GABRB1: variants seen among roughly 807,000 people sequenced by gnomAD.
The protein encoded by GABRB1 is gamma-aminobutyric acid type A receptor subunit beta1, also known as gamma-aminobutyric acid receptor subunit beta-1.
Under a neutral mutation model 51.6 loss-of-function variants are expected in GABRB1, and 17 were observed. The ratio of observed to expected loss-of-function variants is 0.33; its 90% CI spans 0.23 to 0.49. GABRB1 has a LOEUF of 0.49. Among genes scored for constraint, GABRB1 ranks in the 20% least tolerant of loss-of-function variants. The pLI is 0.99. For synonymous variants in GABRB1, 247 were observed against 218.9 expected (o/e 1.13, Z -1.14); for missense variants, 410 against 600.6 (o/e 0.68, Z 3.32).
intron 3 of GABRB1, chr4:47,033,118 T>A (rs554597281): frequency 2.2e-4 from 43 of 192,886 alleles, no homozygotes; most frequent in Admixed American, 1.1e-3. Context: ...TTACTGCATC[T>A]TGCAAATTTA....
intron 1 of GABRB1, among the ~76,000 whole-genome samples, chr4:47,026,355 C>T (rs972697116): frequency 4.6e-5 from 7 of 151,818 alleles, no homozygotes; most frequent in African/African-American, 7.3e-5. Flanking sequence ...AGATAATCAC[C>T]GGGTTGTTTG....
At chr4:47,204,184 G>A (rs1362288310) in intron 4 of GABRB1, among the ~76,000 whole-genome samples, 2 of 152,082 alleles carry the variant, frequency 1.3e-5, no homozygotes, top group South Asian at 2.1e-4. Flanking sequence ...CTATCACATC[G>A]AGTCTGGGTT....
chr4:47,097,528 CATTTTACATCT>C (rs1473782686), intron 3 of GABRB1, among the ~76,000 whole-genome samples: 1 of 152,182 alleles, frequency 6.6e-6, no homozygotes, highest in African/African-American at 2.4e-5. Flanking sequence ...ACACTTCTTC[CATTTTACATCT>C]ATTTTACATA....
At chr4:47,180,050 A>AAAATTAAG (rs1222484956) in intron 4 of GABRB1, among the ~76,000 whole-genome samples, 1 of 152,128 alleles carries the variant, frequency 6.6e-6, no homozygotes, top group Non-Finnish European at 1.5e-5. Flanking sequence ...AAAAAAGAAA[A>AAAATTAAG]AAATTAAGAG....
chr4:47,045,035 A>C (rs1306913757), intron 3 of GABRB1, among the ~76,000 whole-genome samples: 2 of 152,108 alleles, frequency 1.3e-5, no homozygotes, highest in Non-Finnish European at 2.9e-5. Flanking sequence ...GTGTTGCTTT[A>C]CAAGGGCTTA....
intron 3 of GABRB1, among the ~76,000 whole-genome samples, chr4:47,144,571 A>G (rs1560556321): frequency 6.6e-6 from 1 of 151,986 alleles, no homozygotes; most frequent in African/African-American, 2.4e-5. Flanking sequence ...TGCTGTGTTA[A>G]GCTCTTTATT....
intron 3 of GABRB1, among the ~76,000 whole-genome samples, chr4:47,097,912 C>G (rs1020551644): frequency 3.3e-5 from 5 of 152,142 alleles, no homozygotes; most frequent in African/African-American, 4.8e-5. Flanking sequence ...TCTGAGTATT[C>G]AAGCTTATTT....
intron 5 of GABRB1, among the ~76,000 whole-genome samples, chr4:47,395,277 C>A (rs1207563550): frequency 6.6e-6 from 1 of 152,130 alleles, no homozygotes; most frequent in Non-Finnish European, 1.5e-5. Context: ...AGGAAACTTA[C>A]AATCATGGCA....
At chr4:47,386,556 A>G (rs2110034657) in intron 5 of GABRB1, among the ~76,000 whole-genome samples, 1 of 152,326 alleles carries the variant, frequency 6.6e-6, no homozygotes, top group South Asian at 2.1e-4. Context: ...TTGGCTAGCA[A>G]TGTACCTAAA....
intron 3 of GABRB1, among the ~76,000 whole-genome samples, chr4:47,129,671 T>C (rs1474934668): frequency 6.6e-6 from 1 of 152,166 alleles, no homozygotes; most frequent in African/African-American, 2.4e-5. Context: ...CTATCATGGA[T>C]TTTAGAAATC....
chr4:47,396,980 T>G (rs1356699716), intron 5 of GABRB1, among the ~76,000 whole-genome samples: 1 of 152,198 alleles, frequency 6.6e-6, no homozygotes, highest in Non-Finnish European at 1.5e-5. Context: ...TTTTACTATA[T>G]TCTCATTAAG....
intron 4 of GABRB1, among the ~76,000 whole-genome samples, chr4:47,210,697 T>C (rs917820094): frequency 3.3e-5 from 5 of 152,140 alleles, no homozygotes; most frequent in African/African-American, 9.7e-5. Context: ...TCAATCAAAA[T>C]GCCTTTATTA....
intron 4 of GABRB1, among the ~76,000 whole-genome samples, chr4:47,241,463 C>T (rs1721519345): frequency 6.6e-6 from 1 of 152,154 alleles, no homozygotes. Context: ...CAGCCTGGCA[C>T]ACCATAGACA....
At chr4:47,093,414 G>A (rs1159081827) in intron 3 of GABRB1, among the ~76,000 whole-genome samples, 5 of 151,960 alleles carry the variant, frequency 3.3e-5, no homozygotes, top group Admixed American at 2.6e-4. Flanking sequence ...GGTAATCAAT[G>A]AGCAATGTTC....
chr4:47,183,436 T>C (rs1317909060), intron 4 of GABRB1, among the ~76,000 whole-genome samples: 1 of 150,046 alleles, frequency 6.7e-6, no homozygotes, highest in Non-Finnish European at 1.5e-5. Flanking sequence ...TTTTTAAACT[T>C]AGTTCTCCTT....
intron 5 of GABRB1, among the ~76,000 whole-genome samples, chr4:47,336,912 G>A (rs1725721347): frequency 6.6e-6 from 1 of 152,192 alleles, no homozygotes; most frequent in African/African-American, 2.4e-5. Flanking sequence ...GAGGTGAAAT[G>A]CAGGAAATGA....
chr4:47,245,782 A>T (rs1046568206), intron 4 of GABRB1, among the ~76,000 whole-genome samples: 1 of 150,834 alleles, frequency 6.6e-6, no homozygotes, highest in African/African-American at 2.4e-5. Flanking sequence ...GAGAATGAGG[A>T]GCATTGTGCA....
At chr4:47,063,272 AC>A (rs1726921226) in intron 3 of GABRB1, among the ~76,000 whole-genome samples, 1 of 152,124 alleles carries the variant, frequency 6.6e-6, no homozygotes, top group Admixed American at 6.5e-5. Flanking sequence ...CATTTGAGGA[AC>A]CTTTTTTAGG....
intron 3 of GABRB1, among the ~76,000 whole-genome samples, chr4:47,104,827 G>A (rs1378464887): frequency 1.3e-5 from 2 of 151,932 alleles, no homozygotes; most frequent in African/African-American, 4.8e-5. Flanking sequence ...ACTTAGCTGA[G>A]TATGAATGCT....
Sources: gnomAD v4.1 joint callset for allele counts (sites outside exome capture counted in the v4.1 genomes callset) on GRCh38, gnomAD v4.1.1 for gene constraint, MANE v1.5 for transcripts, NCBI Gene and HGNC (gene_info 2026-07-23, HGNC 2026-07-21) for gene names.